The following SCHIP1 variants were observed in gnomAD, a reference collection of about 807,000 sequenced individuals.
The protein encoded by SCHIP1 is schwannomin interacting protein 1.
A neutral mutation model predicts 29.7 loss-of-function variants in SCHIP1; 8 were observed. The ratio of observed to expected loss-of-function variants is 0.27; its 90% CI spans 0.16 to 0.49. The LOEUF is 0.49. Ranked by LOEUF, SCHIP1 falls within the 20% of genes least tolerant of loss-of-function variation. The pLI, the probability that SCHIP1 is intolerant of heterozygous loss-of-function variation, is 0.99. For synonymous variants in SCHIP1, 76 were observed against 94.9 expected, an observed-to-expected ratio of 0.80 and a Z score of 1.16; for missense variants, 193 against 294.6, an observed-to-expected ratio of 0.66 and a Z score of 2.52.
At chr3:159,348,621 T>C in the SCHIP1 span, among the ~76,000 whole-genome samples, 1 of 152,170 alleles carries the variant, frequency 6.6e-6, no homozygotes, top group African/African-American at 2.4e-5. Context: ...TTCGATATTA[T>C]ATATTCCGTC....
At chr3:159,287,003 T>C in the SCHIP1 span, among the ~76,000 whole-genome samples, 174 of 152,296 alleles carry the variant, frequency 1.1e-3, no homozygotes, top group African/African-American at 3.9e-3. Context: ...AGATATTTTC[T>C]CCCATTCTGT....
chr3:159,526,211 T>C, the SCHIP1 span, among the ~76,000 whole-genome samples: 1 of 152,234 alleles, frequency 6.6e-6, no homozygotes, highest in Non-Finnish European at 1.5e-5. Flanking sequence ...AGAGTTTTGC[T>C]TTATTGCCCA....
rs1485769765 is a variant in SCHIP1 at position 159,886,204 on chromosome 3, C to A, written c.150-3C>A. 3.7e-6 allele frequency: 6 copies of A among 1,613,900 alleles called. No homozygotes were observed. Among genetic ancestry groups the A allele is most frequent in the African/African-American group, 1.3e-5 (1 of 74,926 alleles). ...AACTAGTGTCCTGTTTGTTTCTGCC[C>A]AGACTGCAGAGTGGGATGAACTTGC... On this transcript the variant is annotated splice_polypyrimidine_tract_variant and splice_region_variant and intron_variant, in intron 2 of 6. Coordinates refer to ENST00000445224, the Ensembl canonical transcript of SCHIP1.
the SCHIP1 span, among the ~76,000 whole-genome samples, chr3:159,430,196 A>T: frequency 6.6e-6 from 1 of 152,314 alleles, no homozygotes; most frequent in African/African-American, 2.4e-5. Context: ...TCTGATTTTT[A>T]AAAAATAATC....
chr3:159,529,364 G>A, the SCHIP1 span, among the ~76,000 whole-genome samples: 1 of 152,136 alleles, frequency 6.6e-6, no homozygotes, highest in African/African-American at 2.4e-5. Flanking sequence ...AGAGTCCCAA[G>A]GCATAAATTA....
intron 2 of SCHIP1, among the ~76,000 whole-genome samples, chr3:159,866,526 T>C (rs1032043647): frequency 2.0e-5 from 3 of 152,144 alleles, no homozygotes; most frequent in Non-Finnish European, 4.4e-5. Flanking sequence ...TTCCATTTTT[T>C]TTCTAGCCAC....
chr3:159,750,913 T>A, the SCHIP1 span, among the ~76,000 whole-genome samples: 2 of 151,986 alleles, frequency 1.3e-5, no homozygotes, highest in Admixed American at 1.3e-4. Context: ...AAAAAAAAAT[T>A]CCCCTTAGCT....
the SCHIP1 span, among the ~76,000 whole-genome samples, chr3:159,289,163 T>C: frequency 6.6e-6 from 1 of 152,180 alleles, no homozygotes; most frequent in African/African-American, 2.4e-5. Flanking sequence ...ATCACTACCA[T>C]AGCCTCCTAC....
chr3:159,323,476 G>A, the SCHIP1 span, among the ~76,000 whole-genome samples: 14 of 152,208 alleles, frequency 9.2e-5, no homozygotes, highest in South Asian at 1.9e-3. Context: ...ATTGGTCTGT[G>A]TACACACATA....
chr3:159,621,707 C>T, the SCHIP1 span, among the ~76,000 whole-genome samples: 4 of 151,826 alleles, frequency 2.6e-5, no homozygotes, highest in African/African-American at 4.8e-5. Context: ...GTCTTGTCAC[C>T]CAGGTTGGAG....
the SCHIP1 span, among the ~76,000 whole-genome samples, chr3:159,405,150 C>T: frequency 2.0e-5 from 3 of 152,070 alleles, no homozygotes; most frequent in Admixed American, 6.6e-5. Flanking sequence ...TTTGAACACC[C>T]GAAAGCCTTC....
the SCHIP1 span, among the ~76,000 whole-genome samples, chr3:159,704,559 A>ACATCCTG: frequency 6.6e-6 from 1 of 152,280 alleles, no homozygotes; most frequent in East Asian, 1.9e-4. Context: ...AGAAAAGCAA[A>ACATCCTG]CATCCTGGCA....
At chr3:159,724,526 T>G in the SCHIP1 span, among the ~76,000 whole-genome samples, 4 of 152,340 alleles carry the variant, frequency 2.6e-5, no homozygotes, top group African/African-American at 9.6e-5. Context: ...TCAAATTTCC[T>G]ATAACTTGTT....
the SCHIP1 span, among the ~76,000 whole-genome samples, chr3:159,746,529 G>T: frequency 6.8e-6 from 1 of 147,428 alleles, no homozygotes; most frequent in South Asian, 2.2e-4. Context: ...AGGCCTTTAG[G>T]TTATGTTTTG....
At chr3:159,651,315 A>G in the SCHIP1 span, among the ~76,000 whole-genome samples, 5 of 152,328 alleles carry the variant, frequency 3.3e-5, 1 homozygote, top group South Asian at 1.0e-3. Context: ...TGCAATTCAG[A>G]TGACTGAAAC....
chr3:159,668,241 G>A, the SCHIP1 span, among the ~76,000 whole-genome samples: 1 of 152,084 alleles, frequency 6.6e-6, no homozygotes, highest in Admixed American at 6.5e-5. Context: ...GCCGGGCGTG[G>A]TGGCAGGCGC....
the SCHIP1 span, among the ~76,000 whole-genome samples, chr3:159,689,084 C>A: frequency 6.6e-6 from 1 of 152,064 alleles, no homozygotes; most frequent in Admixed American, 6.5e-5. Context: ...TGTATGGGCT[C>A]CTTTTTGGTT....
At chr3:159,771,022 T>A in the SCHIP1 span, among the ~76,000 whole-genome samples, 1 of 152,258 alleles carries the variant, frequency 6.6e-6, no homozygotes. Context: ...AATTGACACG[T>A]TAATTGAAAG....
At chr3:159,605,642 C>CA in the SCHIP1 span, among the ~76,000 whole-genome samples, 3 of 151,898 alleles carry the variant, frequency 2.0e-5, no homozygotes, top group African/African-American at 7.3e-5. Context: ...CCTAAAAATG[C>CA]AATCAAATGG....
Sources: gnomAD v4.1 joint callset for allele counts (sites outside exome capture counted in the v4.1 genomes callset) on GRCh38, gnomAD v4.1.1 for gene constraint, MANE v1.5 for transcripts, NCBI Gene and HGNC (gene_info 2026-07-23, HGNC 2026-07-21) for gene names.